GLIPR1L2: variants seen among roughly 807,000 people sequenced by gnomAD.
GLIPR1L2 encodes GLIPR1-like protein 2.
Under a neutral mutation model 28.4 loss-of-function variants are expected in GLIPR1L2, and 21 were observed. The ratio of observed to expected loss-of-function variants is 0.74; its 90% CI spans 0.52 to 1.06. The LOEUF is 1.06. GLIPR1L2 is among the 50% of genes least tolerant of loss of function. The pLI is 0.00. For missense variants in GLIPR1L2, 476 were observed against 416.9 expected (o/e 1.14, Z -1.23); for synonymous variants, 145 against 139.3 (o/e 1.04, Z -0.29).
At chr12:75,404,816 G>A (rs1239612411) in intron 1 of GLIPR1L2, among the ~76,000 whole-genome samples, 1 of 152,012 alleles carries the variant, frequency 6.6e-6, no homozygotes, top group African/African-American at 2.4e-5. Context: ...TTAGTGTTAT[G>A]TCTTACTAAA....
intron 1 of GLIPR1L2, among the ~76,000 whole-genome samples, chr12:75,409,689 ATATC>A (rs2045842929): frequency 6.8e-6 from 1 of 146,924 alleles, no homozygotes; most frequent in African/African-American, 2.5e-5. Flanking sequence ...TATAAGGTAT[ATATC>A]TAATCCGATA....
chr12:75,428,517 AAT>A (rs34209762), intron 4 of GLIPR1L2, among the ~76,000 whole-genome samples: 62,839 of 149,214 alleles, frequency 0.42, 13,294 homozygotes, highest in East Asian at 0.47. Context: ...TGGTAGAAAA[AAT>A]ATATATATAT....
chr12:75,409,018 G>T (rs985649626), intron 1 of GLIPR1L2, among the ~76,000 whole-genome samples: 20 of 151,960 alleles, frequency 1.3e-4, no homozygotes, highest in Admixed American at 1.3e-3. Context: ...AAAACTCTAA[G>T]GCAAGCTTGT....
intron 1 of GLIPR1L2, chr12:75,403,104 A>G (rs926740865): frequency 6.6e-6 from 3 of 456,936 alleles, no homozygotes; most frequent in Admixed American, 2.3e-5. Flanking sequence ...ACCCCTTTGA[A>G]GACTTTGTCT....
At chr12:75,418,653 G>C (rs955594903) in intron 3 of GLIPR1L2, among the ~76,000 whole-genome samples, 3 of 152,040 alleles carry the variant, frequency 2.0e-5, no homozygotes, top group Non-Finnish European at 2.9e-5. Context: ...GATTGTCTTG[G>C]CTATTCGGGC....
chr12:75,408,217 AT>A (rs1566068737), intron 1 of GLIPR1L2, among the ~76,000 whole-genome samples: 3 of 151,982 alleles, frequency 2.0e-5, no homozygotes, highest in Admixed American at 1.3e-4. Context: ...TCTCTTTTCA[AT>A]TATGATTTTT....
intron 1 of GLIPR1L2, among the ~76,000 whole-genome samples, chr12:75,404,660 T>C (rs1566066924): frequency 6.6e-6 from 1 of 152,144 alleles, no homozygotes; most frequent in Non-Finnish European, 1.5e-5. Flanking sequence ...TTACTTTATA[T>C]GTATCAAGTG....
Position 75,422,972 on chromosome 12 carries a change from G to A in GLIPR1L2, c.653G>A (p.Cys218Tyr). ...ACTCGATGTGGCAGACGTGACAAATGCACAGATTTTCTATGCAGTAAGATA... is the reference window on the plus strand; with the variant it reads ...ACTCGATGTGGCAGACGTGACAAATACACAGATTTTCTATGCAGTAAGATA... ...FCTRCGRRDK[C>Y]TDFLCSNADR... Residue 218 changes from cysteine to tyrosine, a missense_variant, in exon 4 of 6, where the codon TGC becomes TAC. Coordinates refer to ENST00000550916, the MANE Select transcript of GLIPR1L2 (RefSeq NM_001270396.2). The A allele has an allele frequency of 6.2e-7, 1 of 1,612,726 alleles. No homozygotes were observed. The highest frequency in any genetic ancestry group is 8.5e-7 in the Non-Finnish European group (1 of 1,179,260).
chr12:75,428,527 TA>T (rs59998076), intron 4 of GLIPR1L2, among the ~76,000 whole-genome samples: 16,799 of 151,790 alleles, frequency 0.11, 1,222 homozygotes, highest in Admixed American at 0.19. Context: ...AATATATATA[TA>T]TTTTTTTTTC....
intron 1 of GLIPR1L2, among the ~76,000 whole-genome samples, chr12:75,406,905 G>A (rs1464033558): frequency 3.3e-5 from 5 of 152,018 alleles, no homozygotes; most frequent in African/African-American, 9.7e-5. Flanking sequence ...TTTAGGCCCT[G>A]TCCTATGGCC....
At chr12:75,405,294 T>C (rs1472766339) in intron 1 of GLIPR1L2, among the ~76,000 whole-genome samples, 1 of 152,176 alleles carries the variant, frequency 6.6e-6, no homozygotes, top group Non-Finnish European at 1.5e-5. Flanking sequence ...AGACCATCAC[T>C]ACAACAGTTA....
chr12:75,399,654 G>C (rs996296877), intron 1 of GLIPR1L2, among the ~76,000 whole-genome samples: 1 of 152,034 alleles, frequency 6.6e-6, no homozygotes, highest in African/African-American at 2.4e-5. Context: ...TTTGGTATGA[G>C]TTGTAATTAT....
chr12:75,423,423 T>G (rs1305511321), intron 4 of GLIPR1L2: 2 of 943,084 alleles, frequency 2.1e-6, no homozygotes, highest in African/African-American at 3.5e-5. Context: ...AAGTAAAAAG[T>G]AGAAAATATG....
At chr12:75,399,482 A>G (rs1210218779) in intron 1 of GLIPR1L2, among the ~76,000 whole-genome samples, 2 of 152,234 alleles carry the variant, frequency 1.3e-5, no homozygotes, top group African/African-American at 4.8e-5. Flanking sequence ...CTAGCCTGAT[A>G]GGTAAAATAT....
At chr12:75,409,458 A>G (rs1477329146) in intron 1 of GLIPR1L2, among the ~76,000 whole-genome samples, 2 of 151,472 alleles carry the variant, frequency 1.3e-5, no homozygotes, top group African/African-American at 2.4e-5. Flanking sequence ...AGGGAACAGC[A>G]TCTTATGCTA....
intron 2 of GLIPR1L2, among the ~76,000 whole-genome samples, chr12:75,411,814 G>A (rs2045870801): frequency 1.3e-5 from 2 of 151,882 alleles, no homozygotes; most frequent in Non-Finnish European, 2.9e-5. Context: ...ATAAAAGAAT[G>A]AAACAAGAAT....
intron 4 of GLIPR1L2, among the ~76,000 whole-genome samples, chr12:75,428,275 T>C (rs1276692246): frequency 6.6e-6 from 1 of 152,184 alleles, no homozygotes; most frequent in Non-Finnish European, 1.5e-5. Context: ...GCAAACAGGC[T>C]GGTGGCATTT....
rs191315387 is a variant in GLIPR1L2, at chr12:75,411,868, T to C, written c.480+1189T>C. ...AGAGGTTAACAAAACAAAACAGTAC[T>C]TTTTGGTTCACTTGGAAGTATTAGA... On this transcript the variant is annotated intron_variant, in intron 2 of 5. Transcript: ENST00000550916. Among the ~76,000 whole-genome samples, 784 of 152,114 alleles carry C rather than the reference T, an allele frequency of 5.2e-3. 11 individuals carry two copies. Among genetic ancestry groups the C allele is most frequent in the Non-Finnish European group, 6.5e-3 (442 of 67,916 alleles).
intron 1 of GLIPR1L2, among the ~76,000 whole-genome samples, chr12:75,396,725 C>T (rs2045684963): frequency 6.6e-6 from 1 of 152,160 alleles, no homozygotes. Flanking sequence ...CTATCCCAGA[C>T]TTACTGAATC....
Sources: gnomAD v4.1 joint callset for allele counts (sites outside exome capture counted in the v4.1 genomes callset) on GRCh38, gnomAD v4.1.1 for gene constraint, MANE v1.5 for transcripts, NCBI Gene and HGNC (gene_info 2026-07-23, HGNC 2026-07-21) for gene names.